The following HACD3 variants were observed in gnomAD, a reference collection of about 807,000 sequenced individuals.
The protein encoded by HACD3 is 3-hydroxyacyl-CoA dehydratase 3, also known as very-long-chain (3R)-3-hydroxyacyl-CoA dehydratase 3.
In HACD3, 30 loss-of-function variants were observed where a neutral mutation model predicts 55.2. The ratio of observed to expected loss-of-function variants is 0.54; its 90% CI spans 0.41 to 0.74. The LOEUF (loss-of-function observed/expected upper bound fraction) is 0.74. HACD3 is among the 30% of genes least tolerant of loss of function. The pLI, the probability that HACD3 is intolerant of heterozygous loss-of-function variation, is 0.00. For missense variants in HACD3, 363 were observed against 440.1 expected, an observed-to-expected ratio of 0.82 and a Z score of 1.57; for synonymous variants, 141 against 151.7, an observed-to-expected ratio of 0.93 and a Z score of 0.52.
intron 1 of HACD3, among the ~76,000 whole-genome samples, chr15:65,537,557 G>A (rs1004783488): frequency 2.0e-5 from 3 of 151,430 alleles, no homozygotes; most frequent in African/African-American, 7.3e-5. Flanking sequence ...TTGGGAGGCC[G>A]AGGCAGGTGG....
At chr15:65,569,567 G>A (rs538823121) in intron 7 of HACD3, among the ~76,000 whole-genome samples, 35 of 152,118 alleles carry the variant, frequency 2.3e-4, no homozygotes, top group African/African-American at 7.7e-4. Flanking sequence ...ATTAGCCAGT[G>A]TGGTAGTACA....
chr15:65,531,540 G>A (rs933102001), intron 1 of HACD3: 2 of 113,096 alleles, frequency 1.8e-5, no homozygotes, highest in Non-Finnish European at 3.8e-5. Context: ...ATTCTGGAAG[G>A]TTCTTTCTTT....
At chr15:65,531,595 C>G (rs781748549) in intron 1 of HACD3, among the ~76,000 whole-genome samples, 1 of 151,328 alleles carries the variant, frequency 6.6e-6, no homozygotes, top group African/African-American at 2.4e-5. Context: ...GACGGTGTTT[C>G]GCTCTTGTCG....
Position 65,577,194 on chromosome 15 carries a change from G to A in HACD3, c.*815G>A, listed in dbSNP as rs2072411428. ...AATCCCAGCACTTTGGGACACCTAG[G>A]TGGGAGCATCGCTTGAAGCCAGGAG... On this transcript the variant is annotated 3_prime_UTR_variant, in exon 11 of 11. Coordinates refer to ENST00000261875, the MANE Select transcript of HACD3 (RefSeq NM_016395.4). The A allele has an allele frequency of 2.6e-5, 4 of 152,212 alleles. No homozygotes were observed. Among genetic ancestry groups the A allele is most frequent in the Admixed American group, 2.6e-4 (4 of 15,278 alleles). The allele number at this position is 152,212 out of a possible 1,614,324, so 9.4% of individuals were successfully genotyped here.
At chr15:65,562,909 T>G in intron 6 of HACD3, 25 bp downstream of exon 6, 1 of 1,611,318 alleles carries the variant, frequency 6.2e-7, no homozygotes, top group African/African-American at 1.3e-5. Context: ...TTTGGATTAA[T>G]TTTCCCTTTC....
intron 7 of HACD3, chr15:65,565,034 C>CCCAA (rs1191772786): frequency 6.6e-6 from 1 of 152,202 alleles, no homozygotes; most frequent in Admixed American, 6.5e-5. Flanking sequence ...GGTTACAGTG[C>CCCAA]CCATGCAAGT....
chr15:65,537,792 CA>C (rs59580579), intron 1 of HACD3, among the ~76,000 whole-genome samples: 1 of 63,294 alleles, frequency 1.6e-5, no homozygotes, highest in Non-Finnish European at 2.7e-5. Flanking sequence ...GACTCTGTCT[CA>C]AAAAAAAAAA....
At chr15:65,551,019 A>C (rs928680233) in intron 1 of HACD3, 5 of 152,250 alleles carry the variant, frequency 3.3e-5, no homozygotes, top group Admixed American at 6.5e-5. Flanking sequence ...TTTGGGGGTT[A>C]AGAGAGTCTG....
intron 10 of HACD3, among the ~76,000 whole-genome samples, chr15:65,574,024 A>G (rs184069002): frequency 1.3e-5 from 2 of 152,370 alleles, no homozygotes; most frequent in African/African-American, 2.4e-5. Flanking sequence ...CTAAATAAAT[A>G]TAACTGTCCA....
At chr15:65,531,451 AGTG>A (rs2071898394) in intron 1 of HACD3, 1 of 152,248 alleles carries the variant, frequency 6.6e-6, no homozygotes, top group Admixed American at 6.5e-5. Flanking sequence ...GGCACGTAGT[AGTG>A]GAGACTCCAG....
At chr15:65,551,585 G>A (rs993750238) in intron 1 of HACD3, 91 bp from the exon 2 acceptor site, 2 of 1,431,144 alleles carry the variant, frequency 1.4e-6, no homozygotes, top group Non-Finnish European at 2.0e-6. Context: ...GAGTCCTTAT[G>A]GGAGAGGGAT....
At chr15:65,535,583 A>G (rs376525246) in intron 1 of HACD3, 4 of 395,958 alleles carry the variant, frequency 1.0e-5, no homozygotes, top group Non-Finnish European at 1.8e-5. Context: ...TTCCAACAGC[A>G]TGTGTTCATT....
chr15:65,530,726 C>T lies in HACD3; in HGVS notation c.87+8C>T. ...GAGCTGAGTGACGTACAGGTAAAGG[C>T]CGGGTCGGGCGGCGGGAAGCGCGCG... On this transcript the variant is annotated splice_region_variant and intron_variant, in intron 1 of 10. Transcript: ENST00000261875. 6 of 1,544,276 alleles carry T rather than the reference C, an allele frequency of 3.9e-6. No homozygotes were observed. In the East Asian group the frequency reaches 1.3e-4, roughly 32 times the overall value.
chr15:65,535,581 G>C (rs895525790), intron 1 of HACD3: 2 of 395,510 alleles, frequency 5.1e-6, no homozygotes, highest in African/African-American at 4.1e-5. Flanking sequence ...TTTTCCAACA[G>C]CATGTGTTCA....
chr15:65,556,431 G>GAGGC (rs1290834429), intron 3 of HACD3, among the ~76,000 whole-genome samples: 5 of 152,142 alleles, frequency 3.3e-5, no homozygotes, highest in African/African-American at 9.7e-5. Context: ...GATCTGACAG[G>GAGGC]AGGCAGGGCT....
Position 65,572,226 on chromosome 15 carries a change from T to C in HACD3, c.881-9T>C, listed in dbSNP as rs781490470. The C allele has an allele frequency of 2.5e-6, 4 of 1,610,194 alleles. No individual in the cohort carries two copies. The African/African-American group carries it at 5.4e-5, about 22-fold the overall frequency. The stretch of plus-strand genomic sequence containing the variant: ...TTTGCTTCTAACAAGTTCTTGTTTC[T>C]GTTTTCAGCTGTCTCAGTGATTCAG... On this transcript the variant is annotated splice_polypyrimidine_tract_variant and intron_variant, in intron 9 of 10. Transcript: ENST00000261875.
chr15:65,560,787 G>A (rs1472446650), intron 5 of HACD3, among the ~76,000 whole-genome samples: 1 of 139,080 alleles, frequency 7.2e-6, no homozygotes, highest in East Asian at 2.2e-4. Context: ...TGGGAACAGA[G>A]TGAGACCCTA....
At chr15:65,552,697 AT>A (rs902245389) in intron 2 of HACD3, among the ~76,000 whole-genome samples, 11 of 147,470 alleles carry the variant, frequency 7.5e-5, no homozygotes, top group African/African-American at 2.7e-4. Context: ...TAAATTTATT[AT>A]TTTTTTATTA....
intron 1 of HACD3, among the ~76,000 whole-genome samples, chr15:65,540,060 C>CT (rs1567331322): frequency 6.6e-6 from 1 of 151,982 alleles, no homozygotes; most frequent in Non-Finnish European, 1.5e-5. Context: ...TGTTTTATTT[C>CT]TTTTTTTAAA....
Sources: gnomAD v4.1 joint callset for allele counts (sites outside exome capture counted in the v4.1 genomes callset) on GRCh38, gnomAD v4.1.1 for gene constraint, MANE v1.5 for transcripts, NCBI Gene and HGNC (gene_info 2026-07-23, HGNC 2026-07-21) for gene names.